The following SUPT6H variants were observed in gnomAD, a reference collection of about 807,000 sequenced individuals.
The protein encoded by SUPT6H is SPT6 homolog, histone chaperone and transcription elongation factor.
A neutral mutation model predicts 222.3 loss-of-function variants in SUPT6H; 11 were observed. The observed-to-expected ratio is 0.05, with a 90% CI of 0.03 to 0.08. SUPT6H has a LOEUF of 0.08. SUPT6H is among the 10% of genes least tolerant of loss of function. The pLI is 1.00. For missense variants in SUPT6H, 1,422 were observed against 2,216.0 expected, an observed-to-expected ratio of 0.64 and a Z score of 7.19; for synonymous variants, 762 against 801.2, an observed-to-expected ratio of 0.95 and a Z score of 0.83.
chr17:28,683,386 C>T lies in SUPT6H; in HGVS notation c.1997C>T (p.Thr666Ile). 6.2e-7 allele frequency: 1 copy of T among 1,614,148 alleles called. No individual in the cohort carries two copies. Among genetic ancestry groups the T allele is most frequent in the East Asian group, 2.2e-5 (1 of 44,882 alleles). Reference protein sequence around the residue: ...ICLAEDEGLLTTDISIDLKGV... With the variant: ...ICLAEDEGLLITDISIDLKGV... Reference sequence around the variant, plus strand: ...CTGGCTGAAGACGAAGGGCTCCTCACCACTGACATCAGCATAGATTTGAAG... The same window carrying T: ...CTGGCTGAAGACGAAGGGCTCCTCATCACTGACATCAGCATAGATTTGAAG... The change falls in exon 16 of 37, where the codon ACC becomes ATC. Residue 666 changes from threonine (T) to isoleucine (I), a missense_variant. By Grantham distance (89) the Thr-to-Ile change is moderately conservative. This residue lies in a region of SUPT6H where 121 missense variants were observed against 158.0 expected (regional missense o/e 0.77). Coordinates refer to ENST00000314616, the MANE Select transcript of SUPT6H (RefSeq NM_003170.5).
At chr17:28,671,929 T>A (rs571401276) in intron 1 of SUPT6H, among the ~76,000 whole-genome samples, 1 of 152,234 alleles carries the variant, frequency 6.6e-6, no homozygotes, top group African/African-American at 2.4e-5. Flanking sequence ...AAACCAGGAT[T>A]TGATTTCTAC....
At chr17:28,666,405 C>T (rs572513092) in intron 1 of SUPT6H, among the ~76,000 whole-genome samples, 91 of 152,310 alleles carry the variant, frequency 6.0e-4, no homozygotes, top group Admixed American at 5.2e-4. Flanking sequence ...GAACTATGCG[C>T]TCCTCAATGT....
intron 11 of SUPT6H, among the ~76,000 whole-genome samples, chr17:28,680,392 G>A (rs987017109): frequency 4.6e-5 from 7 of 152,068 alleles, no homozygotes; most frequent in Admixed American, 4.6e-4. Flanking sequence ...GACGTCAGGA[G>A]TTTGAGACCA....
chr17:28,664,774 T>G lies in SUPT6H; in HGVS notation c.-32+2432T>G, dbSNP rs548676482. 2.6e-5 allele frequency among the ~76,000 whole-genome samples: 4 copies of G among 152,348 alleles called. No individual in the cohort carries two copies. The South Asian group carries it at 8.3e-4, about 32-fold the overall frequency. On this transcript the variant is annotated intron_variant, in intron 1 of 36. Transcript: ENST00000314616. ...TTTGGTTTTCTCATCATTGCAAACC[T>G]TATCCTCCCGTTTCACTGAGTGGTG...
intron 1 of SUPT6H, among the ~76,000 whole-genome samples, chr17:28,667,405 G>A (rs10522502): frequency 0.43 from 21,164 of 48,658 alleles, 7,238 homozygotes; most frequent in Non-Finnish European, 0.51. Context: ...GTGTGTGTGT[G>A]TATATATATA....
intron 1 of SUPT6H, among the ~76,000 whole-genome samples, chr17:28,668,115 A>G (rs1327809312): frequency 2.0e-5 from 3 of 152,080 alleles, no homozygotes; most frequent in African/African-American, 4.8e-5. Context: ...AGCCTCTCCC[A>G]TTGAGCCACA....
intron 18 of SUPT6H, 57 bp from the exon 19 acceptor site, chr17:28,684,787 C>T: frequency 6.2e-7 from 1 of 1,612,920 alleles, no homozygotes; most frequent in East Asian, 2.2e-5. Flanking sequence ...ATTTTTCTCT[C>T]ATTCATAACT....
chr17:28,685,334 C>A (rs543596800), intron 19 of SUPT6H, among the ~76,000 whole-genome samples: 1 of 152,046 alleles, frequency 6.6e-6, no homozygotes, highest in Non-Finnish European at 1.5e-5. Flanking sequence ...AGAAGACTTT[C>A]AATTCATTTG....
chr17:28,665,927 A>C (rs943096366), intron 1 of SUPT6H, among the ~76,000 whole-genome samples: 1 of 152,174 alleles, frequency 6.6e-6, no homozygotes, highest in African/African-American at 2.4e-5. Context: ...GAAAATAATA[A>C]GTTTTTGTTG....
chr17:28,670,357 G>A (rs984725801), intron 1 of SUPT6H: 2 of 152,194 alleles, frequency 1.3e-5, no homozygotes, highest in African/African-American at 2.4e-5. Flanking sequence ...ATTTGTTAGT[G>A]TCTGGCACTT....
intron 1 of SUPT6H, among the ~76,000 whole-genome samples, chr17:28,667,890 A>G (rs2030180862): frequency 6.6e-6 from 1 of 151,940 alleles, no homozygotes; most frequent in African/African-American, 2.4e-5. Context: ...CACAAGTCCC[A>G]GCACAGAGCT....
rs1474361144 is a variant in SUPT6H, at chr17:28,682,076, T to C, written c.1597+96T>C. On this transcript the variant is annotated intron_variant, in intron 13 of 36. Transcript: ENST00000314616. ...GTAGGTAGGAAAAAGAAAGGCTATC[T>C]GGGTCAATCACCAATCCAATCCTGA... 17 of 980,732 alleles carry C rather than the reference T, an allele frequency of 1.7e-5. No homozygotes were observed. The East Asian group carries it at 4.5e-4, about 26-fold the overall frequency. 60.8% of individuals were successfully genotyped at this position (980,732 alleles called of 1,614,324 possible).
chr17:28,677,950 G>A (rs1347657282), intron 8 of SUPT6H, 126 bp from the exon 9 acceptor site: 2 of 1,274,386 alleles, frequency 1.6e-6, no homozygotes, highest in Admixed American at 3.8e-5. Flanking sequence ...CCCAACAAGT[G>A]TGTGTATATG....
chr17:28,682,721 C>T lies in SUPT6H; in HGVS notation c.1598-6C>T, dbSNP rs1366805565. The T allele has an allele frequency of 2.5e-6, 4 of 1,614,094 alleles. No homozygotes were observed. In the East Asian group the frequency reaches 8.9e-5, roughly 36 times the overall value. On this transcript the variant is annotated splice_region_variant and splice_polypyrimidine_tract_variant and intron_variant, in intron 13 of 36. Coordinates refer to ENST00000314616, the MANE Select transcript of SUPT6H (RefSeq NM_003170.5). The stretch of plus-strand genomic sequence containing the variant: ...GCCTTACCCTTCACTCTTCTGTTTG[C>T]TTTAGATGGCCTGGCCAAAAAGTTT...
At chr17:28,686,496 A>T (rs2031386714) in intron 20 of SUPT6H, 81 bp downstream of exon 20, 6 of 1,551,578 alleles carry the variant, frequency 3.9e-6, no homozygotes, top group Non-Finnish European at 5.3e-6. Context: ...TATGCCCATA[A>T]CAGATGGGGC....
chr17:28,684,789 T>A, intron 18 of SUPT6H, 55 bp from the exon 19 acceptor site: 2 of 1,613,242 alleles, frequency 1.2e-6, no homozygotes, highest in Non-Finnish European at 1.7e-6. Flanking sequence ...TTTTCTCTCA[T>A]TCATAACTTC....
At chr17:28,693,959 G>A in intron 28 of SUPT6H, 123 bp downstream of exon 28, 1 of 1,316,074 alleles carries the variant, frequency 7.6e-7, no homozygotes, top group Non-Finnish European at 1.1e-6. Context: ...GGTGGGAAGT[G>A]TTTCAGGGAA....
rs939341434 is a variant in SUPT6H at position 28,675,395 on chromosome 17, A to G, written c.539-6A>G. On this transcript the variant is annotated splice_region_variant and splice_polypyrimidine_tract_variant and intron_variant, in intron 5 of 36. Coordinates refer to ENST00000314616, the MANE Select transcript of SUPT6H (RefSeq NM_003170.5). ...CTGAGCCCCAACCCATCCTTTTCCT[A>G]CCCAGATATTGACGACTTCATTGTG... 1 of 1,614,080 alleles carries G rather than the reference A, an allele frequency of 6.2e-7. No homozygotes were observed. Among genetic ancestry groups the G allele is most frequent in the South Asian group, 1.1e-5 (1 of 91,084 alleles).
chr17:28,668,682 G>C (rs2030238056), intron 1 of SUPT6H, among the ~76,000 whole-genome samples: 1 of 152,164 alleles, frequency 6.6e-6, no homozygotes, highest in Non-Finnish European at 1.5e-5. Context: ...TGGTCTGCAG[G>C]AGCTGGCATT....
Sources: allele counts gnomAD v4.1 joint callset (sites outside exome capture counted in the v4.1 genomes callset), GRCh38; gene constraint gnomAD v4.1.1; regional missense constraint gnomAD v4.1.1; transcripts MANE v1.5; gene names NCBI Gene and HGNC (gene_info 2026-07-23, HGNC 2026-07-21).